FAM135B: variants seen among roughly 807,000 people sequenced by gnomAD.
FAM135B encodes family with sequence similarity 135 member B, also known as protein FAM135B.
In FAM135B, 43 loss-of-function variants were observed where a neutral mutation model predicts 127.7. That is an observed-to-expected ratio of 0.34 (90% CI 0.26 to 0.43). The LOEUF (loss-of-function observed/expected upper bound fraction) is 0.43. Ranked by LOEUF, FAM135B falls within the 20% of genes least tolerant of loss-of-function variation. FAM135B has a pLI of 1.00. For synonymous variants in FAM135B, 670 were observed against 665.1 expected (o/e 1.01, Z -0.11); for missense variants, 1,558 against 1,725.6 (o/e 0.90, Z 1.72).
At chr8:138,247,405 G>T (rs929691037) in intron 6 of FAM135B, among the ~76,000 whole-genome samples, 25 of 152,194 alleles carry the variant, frequency 1.6e-4, no homozygotes, top group African/African-American at 5.3e-4. Context: ...GTGATAGTGA[G>T]TGAGTGCTCA....
At chr8:138,492,377 T>C (rs905515149) in intron 1 of FAM135B, among the ~76,000 whole-genome samples, 5 of 152,138 alleles carry the variant, frequency 3.3e-5, no homozygotes, top group African/African-American at 1.2e-4. Flanking sequence ...CTATTTCTTC[T>C]CTGTCCTTCT....
At chr8:138,165,157 G>A (rs931113203) in intron 12 of FAM135B, among the ~76,000 whole-genome samples, 5 of 145,332 alleles carry the variant, frequency 3.4e-5, no homozygotes, top group Non-Finnish European at 7.5e-5. Flanking sequence ...TTTCACTCTT[G>A]TTGGCCAGGC....
At chr8:138,407,686 G>C (rs1004927020) in intron 1 of FAM135B, among the ~76,000 whole-genome samples, 2 of 152,272 alleles carry the variant, frequency 1.3e-5, no homozygotes, top group African/African-American at 4.8e-5. Context: ...AAATGGTGCT[G>C]GGAAAACTGG....
At chr8:138,238,451 A>C (rs1313078274) in intron 7 of FAM135B, among the ~76,000 whole-genome samples, 1 of 152,058 alleles carries the variant, frequency 6.6e-6, no homozygotes, top group Non-Finnish European at 1.5e-5. Flanking sequence ...ACCAACTCTA[A>C]ATGTGGAATG....
intron 9 of FAM135B, among the ~76,000 whole-genome samples, chr8:138,190,101 T>C (rs985632389): frequency 2.0e-5 from 3 of 152,204 alleles, no homozygotes; most frequent in African/African-American, 7.2e-5. Context: ...CTTATCTTCA[T>C]ACCTTCGTAC....
intron 9 of FAM135B, among the ~76,000 whole-genome samples, chr8:138,193,193 C>T (rs561372804): frequency 6.6e-6 from 1 of 152,314 alleles, no homozygotes; most frequent in Admixed American, 6.5e-5. Context: ...CGATTCCTCC[C>T]ACCACTTACC....
rs571451902 is a variant in FAM135B, at chr8:138,464,235, A to G, written c.-20+32436T>C. 5.2e-3 allele frequency among the ~76,000 whole-genome samples: 799 copies of G among 152,262 alleles called. 2 individuals are homozygous for G. Among genetic ancestry groups the G allele is most frequent in the Non-Finnish European group, 8.4e-3 (574 of 68,018 alleles). On this transcript the variant is annotated intron_variant, in intron 1 of 19. Coordinates refer to ENST00000395297, the MANE Select transcript of FAM135B (RefSeq NM_015912.4). ...ACGTCACTGAGCAAATGTCAGCCCG[A>G]TGGATACACGGCTTGGACCTGATGC... is the stretch of plus-strand genomic sequence containing the variant.
At chr8:138,381,668 C>T (rs1260014962) in intron 1 of FAM135B, among the ~76,000 whole-genome samples, 1 of 152,166 alleles carries the variant, frequency 6.6e-6, no homozygotes, top group Non-Finnish European at 1.5e-5. Flanking sequence ...TGAATAAACC[C>T]ATTACTCTCC....
rs957370149 is a variant in FAM135B at position 138,243,160 on chromosome 8, C to T, written c.543-92G>A. ...CCCTTTGAGGAGTGTTCCTGTGAAG[C>T]ATTTGGGATAAGTCATTTAGGAGTA... On this transcript the variant is annotated intron_variant, in intron 6 of 19. Transcript: ENST00000395297. This position sits in a 1 kb window ranked among gnomAD's most constrained non-coding sequence, Gnocchi z 7.5. 3.5e-6 allele frequency: 5 copies of T among 1,448,052 alleles called. No individual in the cohort carries two copies. In the African/African-American group the frequency reaches 5.7e-5, roughly 16 times the overall value. The allele number at this position is 1,448,052 out of a possible 1,614,324, so 89.7% of individuals were successfully genotyped here.
intron 1 of FAM135B, among the ~76,000 whole-genome samples, chr8:138,394,134 G>T (rs1563964925): frequency 6.6e-6 from 1 of 152,168 alleles, no homozygotes; most frequent in Non-Finnish European, 1.5e-5. Context: ...TTTCTCAGAA[G>T]AAGACAGATC....
chr8:138,406,592 A>AGGCTGGT (rs1833510272), intron 1 of FAM135B, among the ~76,000 whole-genome samples: 1 of 152,156 alleles, frequency 6.6e-6, no homozygotes, highest in South Asian at 2.1e-4. Context: ...CTGGGATGCA[A>AGGCTGGT]GGCTGGTTCA....
rs544259813 is a variant in FAM135B, at chr8:138,157,091, A to C, written c.1259-3875T>G. On this transcript the variant is annotated intron_variant, in intron 12 of 19. Coordinates refer to ENST00000395297, the MANE Select transcript of FAM135B (RefSeq NM_015912.4). ...AATCCAGCAGCACATCAAAAAGCTT[A>C]TCCACCACGATCAAGTTGGCTTCAT... Among the ~76,000 whole-genome samples, 28 of 152,350 alleles carry C rather than the reference A, an allele frequency of 1.8e-4. No homozygotes were observed. The South Asian group carries it at 5.8e-3, about 32-fold the overall frequency.
intron 1 of FAM135B, among the ~76,000 whole-genome samples, chr8:138,485,768 T>C (rs1587556054): frequency 6.6e-6 from 1 of 151,690 alleles, no homozygotes; most frequent in African/African-American, 2.4e-5. Flanking sequence ...CTGAGGGAAA[T>C]AGGGGAGATC....
chr8:138,384,345 CATTTATTTATTT>C lies in FAM135B; in HGVS notation c.-19-16355_-19-16344del, dbSNP rs10608773. ...GTGGTAACCTAGGCCCCATAGGCTCCATTTATTTATTTATTTATTTATTTATTTATTTATTTA... is the reference window on the plus strand; with the variant it reads ...GTGGTAACCTAGGCCCCATAGGCTCCATTTATTTATTTATTTATTTATTTA... On this transcript the variant is annotated intron_variant, in intron 1 of 19. Transcript: ENST00000395297. 2.9e-3 allele frequency among the ~76,000 whole-genome samples: 440 copies of C among 150,918 alleles called. No individual in the cohort carries two copies. The Middle Eastern group carries it at 0.031, about 11-fold the overall frequency.
intron 7 of FAM135B, among the ~76,000 whole-genome samples, chr8:138,229,140 T>A (rs546135138): frequency 3.3e-5 from 5 of 152,254 alleles, no homozygotes; most frequent in African/African-American, 1.2e-4. Context: ...GCTGTCTTCA[T>A]TACTAAGAGC....
chr8:138,308,880 A>G (rs956105121), intron 3 of FAM135B: 1 of 325,388 alleles, frequency 3.1e-6, no homozygotes, highest in African/African-American at 2.2e-5. Context: ...CTGTGGTGTT[A>G]TTTCTGCTTC....
chr8:138,292,612 T>TAG (rs1825195099), intron 3 of FAM135B, among the ~76,000 whole-genome samples: 1 of 152,068 alleles, frequency 6.6e-6, no homozygotes, highest in Admixed American at 6.5e-5. Flanking sequence ...TTCACAGAAC[T>TAG]AGAAAAATTG....
intron 1 of FAM135B, chr8:138,477,460 C>G (rs1814540798): frequency 6.6e-6 from 1 of 152,194 alleles, no homozygotes; most frequent in South Asian, 2.1e-4. Context: ...CCCTCTTACC[C>G]TATGTTTTCA....
chr8:138,406,335 G>A (rs1833487881), intron 1 of FAM135B, among the ~76,000 whole-genome samples: 1 of 152,158 alleles, frequency 6.6e-6, no homozygotes, highest in Non-Finnish European at 1.5e-5. Context: ...GAGGTACAGG[G>A]AGGAACTGGT....
Sources: allele counts gnomAD v4.1 joint callset (sites outside exome capture counted in the v4.1 genomes callset), GRCh38; gene constraint gnomAD v4.1.1; non-coding constraint Gnocchi (gnomAD v3.1); transcripts MANE v1.5; gene names NCBI Gene and HGNC (gene_info 2026-07-23, HGNC 2026-07-21).